Variants in GPATCH2 observed in about 807,000 individuals in gnomAD.
GPATCH2 encodes the protein G patch domain-containing protein 2.
A neutral mutation model predicts 58.0 loss-of-function variants in GPATCH2; 51 were observed. The observed-to-expected ratio is 0.88, with a 90% CI of 0.70 to 1.11. GPATCH2 has a LOEUF of 1.11. Ranked by LOEUF, GPATCH2 falls within the 50% of genes most tolerant of loss-of-function variation. GPATCH2 has a pLI of 0.00. For synonymous variants in GPATCH2, 222 were observed against 218.5 expected, an observed-to-expected ratio of 1.02 and a Z score of -0.14; for missense variants, 625 against 652.2, an observed-to-expected ratio of 0.96 and a Z score of 0.45.
At chr1:217,595,113 T>C (rs12145100) in intron 5 of GPATCH2, among the ~76,000 whole-genome samples, 24,014 of 152,232 alleles carry the variant, frequency 0.16, 2,443 homozygotes, top group Non-Finnish European at 0.22. Flanking sequence ...GCAAGCACAG[T>C]TTTGAGAAGC....
At chr1:217,459,884 G>C (rs1039194742) in intron 8 of GPATCH2, among the ~76,000 whole-genome samples, 1 of 152,036 alleles carries the variant, frequency 6.6e-6, no homozygotes, top group African/African-American at 2.4e-5. Context: ...TGATATCTCA[G>C]ACTCTAAGCC....
intron 3 of GPATCH2, among the ~76,000 whole-genome samples, chr1:217,612,918 G>GAA (rs1009277244): frequency 2.6e-5 from 4 of 151,978 alleles, no homozygotes; most frequent in African/African-American, 9.7e-5. Flanking sequence ...TAAATGCAAG[G>GAA]AAAACACTTA....
At chr1:217,463,419 G>T (rs147014596) in intron 8 of GPATCH2, among the ~76,000 whole-genome samples, 65 of 152,126 alleles carry the variant, frequency 4.3e-4, no homozygotes, top group African/African-American at 1.5e-3. Flanking sequence ...GAAGTAATTG[G>T]ATATGAGGCT....
chr1:217,447,000 T>A (rs1659421683), intron 9 of GPATCH2, among the ~76,000 whole-genome samples: 1 of 152,214 alleles, frequency 6.6e-6, no homozygotes, highest in Admixed American at 6.5e-5. Flanking sequence ...TTAGTAGAAT[T>A]CCTAAGATTG....
At chr1:217,471,540 C>T (rs1416033992) in intron 8 of GPATCH2, among the ~76,000 whole-genome samples, 2 of 152,104 alleles carry the variant, frequency 1.3e-5, no homozygotes, top group Admixed American at 1.3e-4. Flanking sequence ...AAATAAAGAG[C>T]AGCTGTAACT....
intron 5 of GPATCH2, among the ~76,000 whole-genome samples, chr1:217,568,676 A>T (rs1666389010): frequency 6.6e-6 from 1 of 152,214 alleles, no homozygotes; most frequent in African/African-American, 2.4e-5. Context: ...AGAAATGAGC[A>T]AAGAGAAAGG....
intron 1 of GPATCH2, among the ~76,000 whole-genome samples, chr1:217,630,261 T>C (rs1031914199): frequency 2.0e-5 from 3 of 152,208 alleles, no homozygotes; most frequent in Non-Finnish European, 4.4e-5. Context: ...AAGGCTGTCA[T>C]AGGATAAAGT....
In GPATCH2 at chr1:217,498,351, C is replaced by T; in HGVS notation, c.1206+5G>A. On this transcript the variant is annotated splice_donor_5th_base_variant and intron_variant, in intron 7 of 9. Transcript: ENST00000366935. ...AACTTCCTTTTGGATTACAATGGTC[C>T]TTACCTGGTCATGCTCTGTCCTAGC... 6.2e-7 allele frequency: 1 copy of T among 1,609,792 alleles called. No individual in the cohort carries two copies. Among genetic ancestry groups the T allele is most frequent in the Non-Finnish European group, 8.5e-7 (1 of 1,176,032 alleles).
intron 9 of GPATCH2, among the ~76,000 whole-genome samples, chr1:217,444,615 T>G (rs1659298719): frequency 6.6e-6 from 1 of 152,210 alleles, no homozygotes; most frequent in South Asian, 2.1e-4. Context: ...AAGATTCTAC[T>G]AAAACACAAC....
At chr1:217,534,385 G>A (rs1163548844) in intron 5 of GPATCH2, among the ~76,000 whole-genome samples, 6 of 152,042 alleles carry the variant, frequency 3.9e-5, no homozygotes, top group Admixed American at 1.3e-4. Flanking sequence ...ACACTAGACT[G>A]TAATTTAATC....
chr1:217,630,851 GCGGAGCGGCCT>G, intron 1 of GPATCH2, 54 bp downstream of exon 1: 2 of 1,209,770 alleles, frequency 1.7e-6, no homozygotes, highest in Non-Finnish European at 2.4e-6. Flanking sequence ...TCCAGGTCCA[GCGGAGCGGCCT>G]CGGGCAATCA....
intron 5 of GPATCH2, among the ~76,000 whole-genome samples, chr1:217,516,095 A>G (rs1165066560): frequency 6.7e-6 from 1 of 149,028 alleles, no homozygotes; most frequent in Non-Finnish European, 1.5e-5. Flanking sequence ...TTTTTTTTTT[A>G]GAATTTCACA....
intron 6 of GPATCH2, chr1:217,498,778 TA>T (rs753472983): frequency 1.6e-4 from 45 of 289,916 alleles, no homozygotes; most frequent in South Asian, 2.3e-4. Context: ...GTTGGAGTTA[TA>T]AAAAAAATGT....
chr1:217,626,795 C>A (rs759817045), intron 1 of GPATCH2, among the ~76,000 whole-genome samples: 1 of 151,906 alleles, frequency 6.6e-6, no homozygotes, highest in South Asian at 2.1e-4. Context: ...CACTAAATGT[C>A]GACACTTATG....
chr1:217,462,644 T>A (rs767440546), intron 8 of GPATCH2, among the ~76,000 whole-genome samples: 1 of 152,218 alleles, frequency 6.6e-6, no homozygotes, highest in Non-Finnish European at 1.5e-5. Flanking sequence ...GGAAATTCAA[T>A]GAGTTAAAAT....
chr1:217,563,751 G>A (rs1421464652), intron 5 of GPATCH2, among the ~76,000 whole-genome samples: 1 of 152,084 alleles, frequency 6.6e-6, no homozygotes, highest in African/African-American at 2.4e-5. Context: ...AAGTTTTAAA[G>A]AAGTATATGT....
chr1:217,448,339 C>T (rs1273014204), intron 9 of GPATCH2, among the ~76,000 whole-genome samples: 1 of 152,052 alleles, frequency 6.6e-6, no homozygotes, highest in African/African-American at 2.4e-5. Context: ...GTTAAAGATC[C>T]CAGACAATAG....
At chr1:217,438,004 G>C (rs539369782) in intron 9 of GPATCH2, among the ~76,000 whole-genome samples, 1 of 152,284 alleles carries the variant, frequency 6.6e-6, no homozygotes, top group East Asian at 1.9e-4. Context: ...GCATCTGGCG[G>C]GTGCCCCTCT....
intron 8 of GPATCH2, among the ~76,000 whole-genome samples, chr1:217,488,068 T>A (rs904838299): frequency 2.0e-5 from 3 of 150,904 alleles, no homozygotes; most frequent in Non-Finnish European, 2.9e-5. Flanking sequence ...AAAAAAAAAA[T>A]TTGGTACTGA....
Sources: allele counts gnomAD v4.1 joint callset (sites outside exome capture counted in the v4.1 genomes callset), GRCh38; gene constraint gnomAD v4.1.1; transcripts MANE v1.5; gene names NCBI Gene and HGNC (gene_info 2026-07-23, HGNC 2026-07-21).